The following LPIN1 variants were observed in gnomAD, a reference collection of about 807,000 sequenced individuals.
LPIN1 encodes the protein lipin 1, also known as phosphatidate phosphatase LPIN1.
LPIN1 carries 71 observed loss-of-function variants against 107.5 expected under a neutral mutation model. The observed-to-expected ratio is 0.66, with a 90% CI of 0.55 to 0.80. The LOEUF is 0.80. LPIN1 is among the 30% of genes least tolerant of loss of function. LPIN1 has a pLI of 0.00. For missense variants in LPIN1, 1,043 were observed against 1,160.6 expected (o/e 0.90, Z 1.47); for synonymous variants, 445 against 452.6 (o/e 0.98, Z 0.21).
rs976949074 is a variant in LPIN1 at position 11,826,677 on chromosome 2, C to T, written c.*1886C>T. 7.9e-5 allele frequency: 12 copies of T among 152,140 alleles called. 1 individual carries two copies. The highest frequency in any genetic ancestry group is 3.3e-4 in the Admixed American group (5 of 15,274). 9.4% of individuals were successfully genotyped at this position (152,140 alleles called of 1,614,324 possible). ...ATAAGCTCATGGGCCTGCAAAGGTT[C>T]AGACGGTTTCTCCTTTGCACCCAGG... On this transcript the variant is annotated 3_prime_UTR_variant, in exon 21 of 21. Coordinates refer to ENST00000674199, the MANE Select transcript of LPIN1 (RefSeq NM_001349206.2).
At chr2:11,802,509 G>A (rs1019403200) in intron 14 of LPIN1, among the ~76,000 whole-genome samples, 5 of 152,182 alleles carry the variant, frequency 3.3e-5, no homozygotes, top group African/African-American at 1.2e-4. Context: ...ACTGATGGAT[G>A]AGTGTGGACT....
chr2:11,780,403 C>T (rs1380633081), intron 7 of LPIN1, among the ~76,000 whole-genome samples: 2 of 152,232 alleles, frequency 1.3e-5, no homozygotes, highest in East Asian at 3.9e-4. Context: ...GTTCTTGTGT[C>T]CCTCACACAG....
At position 11,764,526 on chromosome 2, in the gene LPIN1, G is replaced by T. The variant is rs1037034659; in HGVS notation, c.-9-1007G>T. Among the ~76,000 whole-genome samples, 3 of 152,188 alleles carry T rather than the reference G, an allele frequency of 2.0e-5. No individual in the cohort carries two copies. The East Asian group carries it at 5.8e-4, about 29-fold the overall frequency. On this transcript the variant is annotated intron_variant, in intron 1 of 20. Coordinates refer to ENST00000674199, the MANE Select transcript of LPIN1 (RefSeq NM_001349206.2). The stretch of plus-strand genomic sequence containing the variant: ...GACAGGACTTTCTTCTTTATCTCTG[G>T]TGTGGCCCCAGGCCCTGTAGAGGAG...
At chr2:11,788,359 TG>T (rs763110280) in intron 11 of LPIN1, 27 bp from the exon 12 acceptor site, 1 of 1,577,606 alleles carries the variant, frequency 6.3e-7, no homozygotes, top group Non-Finnish European at 8.7e-7. Flanking sequence ...CTCGGTTTTT[TG>T]ACATATATTT....
chr2:11,824,805 G>A lies in LPIN1; in HGVS notation c.*14G>A. The A allele has an allele frequency of 6.2e-7, 1 of 1,614,086 alleles. No homozygotes were observed. Among genetic ancestry groups the A allele is most frequent in the Non-Finnish European group, 8.5e-7 (1 of 1,180,022 alleles). ...GCCTCAGCGTAAAATGTCCCAAGCA[G>A]CCTCTTGCCAGCAGTGCAGAGCCTG... is the stretch of plus-strand genomic sequence containing the variant. On this transcript the variant is annotated 3_prime_UTR_variant, in exon 21 of 21. Transcript: ENST00000674199.
chr2:11,773,774 G>T, intron 5 of LPIN1, 29 bp downstream of exon 5: 1 of 1,613,084 alleles, frequency 6.2e-7, no homozygotes, highest in Non-Finnish European at 8.5e-7. Context: ...CCCTGGCCCA[G>T]TGCAGAGGCT....
chr2:11,821,185 T>A (rs950313613), intron 20 of LPIN1, among the ~76,000 whole-genome samples: 10 of 152,214 alleles, frequency 6.6e-5, no homozygotes, highest in African/African-American at 2.4e-4. Context: ...TTTCAGAGAC[T>A]ACACCTCTTC....
Position 11,771,494 on chromosome 2 carries a change from C to G in LPIN1, c.411C>G (p.Ala137=). The change falls in exon 4 of 21, where the codon GCC becomes GCG. Residue 137 remains alanine (A), a synonymous_variant. Coordinates refer to ENST00000674199, the MANE Select transcript of LPIN1 (RefSeq NM_001349206.2). The surrounding 1 kb of genome is among the most constrained non-coding windows in gnomAD (Gnocchi z 4.8). ...GAGGCCTGGACCCCAGCACGCCAGCCCAAGTGATCGCTCCCAGCGAGACGC... is the reference window on the plus strand; with the variant it reads ...GAGGCCTGGACCCCAGCACGCCAGCGCAAGTGATCGCTCCCAGCGAGACGC... ...RMRGLDPSTP[A]QVIAPSETPS... is the part of the protein sequence containing the mutation. The G allele has an allele frequency of 6.2e-7, 1 of 1,614,174 alleles. No individual in the cohort carries two copies. Among genetic ancestry groups the G allele is most frequent in the East Asian group, 2.2e-5 (1 of 44,882 alleles).
rs532414847 is a variant in LPIN1, at chr2:11,701,510, T to A, written c.82-12246T>A. ...GGCCCAGGTGGCACACACAGTAGAC[T>A]CTCAATACAAATGAGTTAATGCATC... On this transcript the variant is annotated intron_variant, in intron 1 of 21. Transcript: ENST00000449576. Among the ~76,000 whole-genome samples the A allele has an allele frequency of 1.4e-4, 22 of 152,286 alleles. No individual in the cohort carries two copies. The South Asian group carries it at 4.6e-3, about 32-fold the overall frequency.
chr2:11,805,890 G>A (rs998758443), intron 17 of LPIN1, among the ~76,000 whole-genome samples: 6 of 152,024 alleles, frequency 3.9e-5, no homozygotes, highest in African/African-American at 7.3e-5. Flanking sequence ...TCCATGCCCC[G>A]CCCCTTCCGA....
chr2:11,805,309 G>A, intron 17 of LPIN1, 153 bp downstream of exon 17: 1 of 703,330 alleles, frequency 1.4e-6, no homozygotes, highest in Non-Finnish European at 2.6e-6. Flanking sequence ...GGGTAGCAGT[G>A]GAGTCCAGAG....
At chr2:11,785,714 G>C (rs144635798) in intron 10 of LPIN1, among the ~76,000 whole-genome samples, 2 of 152,066 alleles carry the variant, frequency 1.3e-5, no homozygotes, top group African/African-American at 4.8e-5. Context: ...GGAAGGGGCC[G>C]AGGCTGTGTA....
chr2:11,738,864 T>G (rs1666052634), intron 1 of LPIN1, among the ~76,000 whole-genome samples: 1 of 152,170 alleles, frequency 6.6e-6, no homozygotes, highest in Non-Finnish European at 1.5e-5. Flanking sequence ...CACATGAATG[T>G]GAGGAAACCA....
At position 11,804,411 on chromosome 2, in the gene LPIN1, C is replaced by T; in HGVS notation, c.2014-12C>T. 6.2e-7 allele frequency: 1 copy of T among 1,614,134 alleles called. No homozygotes were observed. Among genetic ancestry groups the T allele is most frequent in the African/African-American group, 1.3e-5 (1 of 75,042 alleles). On this transcript the variant is annotated splice_polypyrimidine_tract_variant and intron_variant, in intron 15 of 20. Coordinates refer to ENST00000674199, the MANE Select transcript of LPIN1 (RefSeq NM_001349206.2). ...CTCAAGCAGACAAATACTAATGGTT[C>T]ATGTTTTTCAGAAAAGCTTGAAGTT...
At chr2:11,732,538 C>A (rs1274173736) in intron 1 of LPIN1, among the ~76,000 whole-genome samples, 2 of 152,202 alleles carry the variant, frequency 1.3e-5, no homozygotes, top group Non-Finnish European at 2.9e-5. Flanking sequence ...AATGAAGTTG[C>A]TGTAGGATCA....
chr2:11,702,839 C>T (rs544492207), intron 1 of LPIN1, among the ~76,000 whole-genome samples: 1 of 152,118 alleles, frequency 6.6e-6, no homozygotes, highest in African/African-American at 2.4e-5. Flanking sequence ...TCTTGTTTGC[C>T]AATCATTTTT....
intron 9 of LPIN1, chr2:11,784,178 C>G: frequency 1.4e-6 from 1 of 728,990 alleles, no homozygotes. Flanking sequence ...CTGGCATGCA[C>G]CTGTAATCCC....
chr2:11,741,312 A>G (rs1558778950), intron 1 of LPIN1: 8 of 1,451,070 alleles, frequency 5.5e-6, no homozygotes, highest in South Asian at 5.1e-5. Context: ...ACTGGAGAGA[A>G]AAAGAACATT....
chr2:11,749,358 G>T (rs776641833), intron 1 of LPIN1, among the ~76,000 whole-genome samples: 24 of 152,152 alleles, frequency 1.6e-4, no homozygotes, highest in Non-Finnish European at 3.1e-4. Context: ...GCGCCTGAAG[G>T]GAATCTGTGC....
Sources: allele counts gnomAD v4.1 joint callset (sites outside exome capture counted in the v4.1 genomes callset), GRCh38; gene constraint gnomAD v4.1.1; non-coding constraint Gnocchi (gnomAD v3.1); transcripts MANE v1.5; gene names NCBI Gene and HGNC (gene_info 2026-07-23, HGNC 2026-07-21).